FGF8: variants seen among roughly 807,000 people sequenced by gnomAD.
FGF8 encodes the protein fibroblast growth factor 8, also known as androgen-induced growth factor.
In FGF8, 12 loss-of-function variants were observed where a neutral mutation model predicts 29.7. The ratio of observed to expected loss-of-function variants is 0.40; its 90% CI spans 0.26 to 0.65. The LOEUF is 0.65. FGF8 is among the 30% of genes least tolerant of loss of function. The pLI, the probability that FGF8 is intolerant of heterozygous loss-of-function variation, is 0.37. For missense variants in FGF8, 271 were observed against 345.1 expected, an observed-to-expected ratio of 0.79 and a Z score of 1.70; for synonymous variants, 157 against 144.4, an observed-to-expected ratio of 1.09 and a Z score of -0.63.
chr10:101,775,832 G>T lies in FGF8; in HGVS notation c.32+37C>A. ...AGGCGCGGGTGAGGCGAGGGGCGCG[G>T]GGGGCGGGTGGCGGGGCAGGGCGGC... On this transcript the variant is annotated intron_variant, in intron 1 of 5. Coordinates refer to ENST00000320185, the MANE Select transcript of FGF8 (RefSeq NM_033163.5). This position sits in a 1 kb window ranked among gnomAD's most constrained non-coding sequence, Gnocchi z 4.6. 8 of 1,521,428 alleles carry T rather than the reference G, an allele frequency of 5.3e-6. No homozygotes were observed. In the South Asian group the frequency reaches 9.7e-5, roughly 18 times the overall value. The allele number at this position is 1,521,428 out of a possible 1,614,324, so 94.2% of individuals were successfully genotyped here.
At position 101,771,411 on chromosome 10, in the gene FGF8, C is replaced by T; in HGVS notation, c.444+52G>A. On this transcript the variant is annotated intron_variant, in intron 5 of 5. Coordinates refer to ENST00000320185, the MANE Select transcript of FGF8 (RefSeq NM_033163.5). This position sits in a 1 kb window ranked among gnomAD's most constrained non-coding sequence, Gnocchi z 5.3. The stretch of plus-strand genomic sequence containing the variant: ...GACTGTCTTGGAGGAGTCCAGCCAG[C>T]CCAAGCCACTCCCTAGGTCCCGCGG... 1 of 1,403,878 alleles carries T rather than the reference C, an allele frequency of 7.1e-7. No homozygotes were observed. The highest frequency in any genetic ancestry group is 2.3e-5 in the East Asian group (1 of 43,912). The allele number at this position is 1,403,878 out of a possible 1,614,324, so 87.0% of individuals were successfully genotyped here. A position where few individuals can be genotyped will look rare whatever the true frequency, so the allele number is the denominator to read the frequency against.
chr10:101,776,947 G>C (rs980120532), upstream of FGF8, among the ~76,000 whole-genome samples: 2 of 151,846 alleles, frequency 1.3e-5, no homozygotes, highest in Admixed American at 1.3e-4. Context: ...AGAGAGTCCG[G>C]AGGTCCCTGG....
upstream of FGF8, among the ~76,000 whole-genome samples, chr10:101,779,278 G>T (rs1167185894): frequency 1.3e-5 from 2 of 152,232 alleles, no homozygotes; most frequent in Admixed American, 6.5e-5. The surrounding 1 kb of genome is among the most constrained non-coding windows in gnomAD (Gnocchi z 5.7). Flanking sequence ...AAATCGCCGA[G>T]ACTACGTTAA....
rs1294205360 is a variant in FGF8, at chr10:101,775,837, C to T, written c.32+32G>A. 8 of 967,872 alleles carry T rather than the reference C, an allele frequency of 8.3e-6. No individual in the cohort carries two copies. Among genetic ancestry groups the T allele is most frequent in the Non-Finnish European group, 8.9e-6 (6 of 673,690 alleles). The allele number at this position is 967,872 out of a possible 1,614,324, so 60.0% of individuals were successfully genotyped here. On this transcript the variant is annotated intron_variant, in intron 1 of 5. Transcript: ENST00000320185. This position sits in a 1 kb window ranked among gnomAD's most constrained non-coding sequence, Gnocchi z 4.6. ...CGGGTGAGGCGAGGGGCGCGGGGGG[C>T]GGGTGGCGGGGCAGGGCGGCGCGGT...
At chr10:101,776,209 C>G (rs1322094196), upstream of FGF8, 1 of 56,368 alleles carries the variant, frequency 1.8e-5, no homozygotes, top group South Asian at 7.6e-4. Flanking sequence ...GGCGCCGCAC[C>G]GGGCGCGAGG....
chr10:101,774,934 A>G (rs369992360), intron 3 of FGF8, 22 bp from the exon 4 acceptor site: 14 of 1,612,234 alleles, frequency 8.7e-6, no homozygotes, highest in South Asian at 1.1e-5. Context: ...TGAAAAATAC[A>G]CAATACACCA....
Position 101,770,536 on chromosome 10 carries a change from C to T in FGF8, c.528G>A (p.Glu176=). ...TGCGGGTGAAGGCCATGTACCAGCC[C>T]TCGTACTTGGCATTCTGCAGCGCTG... The part of the protein sequence containing the change: ...NYTALQNAKY[E]GWYMAFTRKG... Residue 176 remains glutamate, a synonymous_variant, in exon 6 of 6, where the codon GAG becomes GAA. Transcript: ENST00000320185. 6.2e-7 allele frequency: 1 copy of T among 1,613,606 alleles called. No homozygotes were observed. Among genetic ancestry groups the T allele is most frequent in the South Asian group, 1.1e-5 (1 of 91,088 alleles).
chr10:101,779,476 G>A (rs958167147), upstream of FGF8, among the ~76,000 whole-genome samples: 1 of 152,220 alleles, frequency 6.6e-6, no homozygotes, highest in Non-Finnish European at 1.5e-5. The surrounding 1 kb of genome is among the most constrained non-coding windows in gnomAD (Gnocchi z 5.7). Context: ...CTGGGGCGAG[G>A]AGAGAGGAAT....
Position 101,770,372 on chromosome 10 carries a change from C to T in FGF8, c.692G>A (p.Ser231Asn). 6.2e-7 allele frequency: 1 copy of T among 1,601,962 alleles called. No individual in the cohort carries two copies. The highest frequency in any genetic ancestry group is 2.0e-4 in the Middle Eastern group (1 of 5,112). The change falls in exon 6 of 6, where the codon AGC becomes AAC. Residue 231 changes from serine to asparagine, a missense_variant. Physicochemically the swap from Ser to Asn is conservative, Grantham distance 46. Around this residue, in one of 3 missense-constraint regions of FGF8, gnomAD observed 62 missense variants for 58.1 expected, o/e 1.07. Coordinates refer to ENST00000320185, the MANE Select transcript of FGF8 (RefSeq NM_033163.5). ...EFLNYPPFTRSLRGSQRTWAP... is the reference protein window; with the variant it reads ...EFLNYPPFTRNLRGSQRTWAP... ...CCAAGTCCTCTGGCTGCCGCGCAGG[C>T]TGCGCGTGAAGGGCGGGTAGTTGAG... is the stretch of plus-strand genomic sequence containing the variant.
At position 101,775,273 on chromosome 10, in the gene FGF8, T is replaced by C; in HGVS notation, c.70-57A>G. ...GCAGCCCTCCCCGACCCCTGACATT[T>C]ATAAAGACAAATTTACGGAGCAAAT... On this transcript the variant is annotated intron_variant, in intron 2 of 5. Transcript: ENST00000320185. This position sits in a 1 kb window ranked among gnomAD's most constrained non-coding sequence, Gnocchi z 4.6. 1.2e-5 allele frequency: 15 copies of C among 1,224,870 alleles called. No homozygotes were observed. Among genetic ancestry groups the C allele is most frequent in the Non-Finnish European group, 1.7e-5 (15 of 857,918 alleles). 75.9% of individuals were successfully genotyped at this position (1,224,870 alleles called of 1,614,324 possible).
At position 101,770,334 on chromosome 10, in the gene FGF8, G is replaced by A. The variant is rs774950983; in HGVS notation, c.730C>T (p.Arg244Ter). 21 of 1,592,636 alleles carry A rather than the reference G, an allele frequency of 1.3e-5. No individual in the cohort carries two copies. The highest frequency in any genetic ancestry group is 4.5e-5 in the East Asian group (2 of 44,178). ...TGGGGAGGGCCAGGCAGCACCTATC[G>A]GGGCTCGGGGGCCCAAGTCCTCTGG... ...GSQRTWAPEP[R>*] The change falls in exon 6 of 6, where the codon CGA becomes TGA. Residue 244 changes from arginine to a stop codon, truncating the protein, a stop_gained. Transcript: ENST00000320185. LOFTEE classifies it high-confidence loss of function.
Position 101,775,138 on chromosome 10 carries a change from A to G in FGF8, c.148T>C (p.Ser50Pro). 1 of 1,548,590 alleles carries G rather than the reference A, an allele frequency of 6.5e-7. No individual in the cohort carries two copies. The change falls in exon 3 of 6, where the codon TCC becomes CCC. Residue 50 changes from serine (S) to proline (P), a missense_variant. By Grantham distance (74) the Ser-to-Pro change is moderately conservative. Transcript: ENST00000320185. The surrounding 1 kb of genome is among the most constrained non-coding windows in gnomAD (Gnocchi z 4.6). Reference sequence around the variant, plus strand: ...GGAGAAGCTGGACCCACCTGTTGGGAGACACCCTGGGGCTCCCGGCCAGCC... The same window carrying G: ...GGAGAAGCTGGACCCACCTGTTGGGGGACACCCTGGGGCTCCCGGCCAGCC... ...FRAGREPQGV[S>P]QQVTVQSSPN...
rs544494562 is a variant in FGF8 at position 101,775,194 on chromosome 10, G to T, written c.92C>A (p.Ala31Glu). 4.7e-5 allele frequency: 72 copies of T among 1,547,826 alleles called. No homozygotes were observed. Among genetic ancestry groups the T allele is most frequent in the Non-Finnish European group, 5.7e-5 (65 of 1,146,670 alleles). ...CAGGGAAGCGAGCTCCCTGCCCAGC[G>T]CAGGGCCCCTGCCCGGGCCTTCCTA... Reference protein sequence around the residue: ...QAQEGPGRGPALGRELASLFR... With the variant: ...QAQEGPGRGPELGRELASLFR... Residue 31 changes from alanine (A) to glutamate (E), a missense_variant, in exon 3 of 6, where the codon GCG becomes GAG. By Grantham distance (107) the Ala-to-Glu change is moderately radical. Around this residue, in one of 3 missense-constraint regions of FGF8, gnomAD observed 168 missense variants for 207.0 expected, o/e 0.81. Transcript: ENST00000320185. The surrounding 1 kb of genome is among the most constrained non-coding windows in gnomAD (Gnocchi z 4.6).
upstream of FGF8, chr10:101,776,197 G>T: frequency 8.8e-6 from 1 of 113,364 alleles, no homozygotes; most frequent in Admixed American, 8.2e-5. Context: ...GTGGGGGCGG[G>T]GGGCGCCGCA....
Position 101,775,366 on chromosome 10 carries a change from G to A in FGF8, c.70-150C>T, listed in dbSNP as rs914787395. 7 of 656,138 alleles carry A rather than the reference G, an allele frequency of 1.1e-5. No homozygotes were observed. The highest frequency in any genetic ancestry group is 5.4e-5 in the African/African-American group (3 of 55,754). 40.6% of individuals were successfully genotyped at this position (656,138 alleles called of 1,614,324 possible). A position where few individuals can be genotyped will look rare whatever the true frequency, so the allele number is the denominator to read the frequency against. Reference sequence around the variant, plus strand: ...ATCGGCCACAAGCCTCCCCCGAGGGGCGCTGAGAGGGTCTCTGCTGCAGTC... The same window carrying A: ...ATCGGCCACAAGCCTCCCCCGAGGGACGCTGAGAGGGTCTCTGCTGCAGTC... On this transcript the variant is annotated intron_variant, in intron 2 of 5. Coordinates refer to ENST00000320185, the MANE Select transcript of FGF8 (RefSeq NM_033163.5). The surrounding 1 kb of genome is among the most constrained non-coding windows in gnomAD (Gnocchi z 4.6).
chr10:101,774,199 C>T (rs761978058), intron 4 of FGF8, among the ~76,000 whole-genome samples: 13 of 152,324 alleles, frequency 8.5e-5, no homozygotes, highest in East Asian at 1.9e-4. Context: ...CACAGGGAGC[C>T]GGGAGCCCTG....
rs1409315413 is a variant in FGF8 at position 101,775,628 on chromosome 10, C to T, written c.69+112G>A. ...CTCGGGGCTGGGTTTCTAAGGTGCCCTCAGCCCTCCCGCGCCGGCCGCAGA... is the reference window on the plus strand; with the variant it reads ...CTCGGGGCTGGGTTTCTAAGGTGCCTTCAGCCCTCCCGCGCCGGCCGCAGA... On this transcript the variant is annotated intron_variant, in intron 2 of 5. Coordinates refer to ENST00000320185, the MANE Select transcript of FGF8 (RefSeq NM_033163.5). The surrounding 1 kb of genome is among the most constrained non-coding windows in gnomAD (Gnocchi z 4.6). The T allele has an allele frequency of 2.2e-5, 29 of 1,305,170 alleles. 1 individual carries two copies. The highest frequency in any genetic ancestry group is 4.2e-6 in the Non-Finnish European group (4 of 953,040). 80.8% of individuals were successfully genotyped at this position (1,305,170 alleles called of 1,614,324 possible).
rs760197565 is a variant in FGF8, at chr10:101,771,695, C to A, written c.338-126G>T. 15 of 756,734 alleles carry A rather than the reference C, an allele frequency of 2.0e-5. No individual in the cohort carries two copies. The highest frequency in any genetic ancestry group is 3.2e-5 in the Non-Finnish European group (14 of 430,828). 46.9% of individuals were successfully genotyped at this position (756,734 alleles called of 1,614,324 possible). On this transcript the variant is annotated intron_variant, in intron 4 of 5. Coordinates refer to ENST00000320185, the MANE Select transcript of FGF8 (RefSeq NM_033163.5). The surrounding 1 kb of genome is among the most constrained non-coding windows in gnomAD (Gnocchi z 5.3). ...CCCAAAACATGGACTCCAGCTCCAGCCCAGCTACTAACATGCTGTGCAACC... is the reference window on the plus strand; with the variant it reads ...CCCAAAACATGGACTCCAGCTCCAGACCAGCTACTAACATGCTGTGCAACC...
chr10:101,771,440 C>CCACCTGCCTGCTGGGGCCT lies in FGF8; in HGVS notation c.444+4_444+22dup, dbSNP rs2065024027. 9 of 1,592,898 alleles carry CCACCTGCCTGCTGGGGCCT rather than the reference C, an allele frequency of 5.7e-6. No individual in the cohort carries two copies. Among genetic ancestry groups the CCACCTGCCTGCTGGGGCCT allele is most frequent in the Non-Finnish European group, 7.8e-6 (9 of 1,160,770 alleles). ...AGCCACTCCCTAGGTCCCGCGGACC[C>CCACCTGCCTGCTGGGGCCT]CACCTGCCTGCTGGGGCCTCACCTT... On this transcript the variant is annotated intron_variant, in intron 5 of 5. Coordinates refer to ENST00000320185, the MANE Select transcript of FGF8 (RefSeq NM_033163.5). This position sits in a 1 kb window ranked among gnomAD's most constrained non-coding sequence, Gnocchi z 5.3.
Sources: gnomAD v4.1 joint callset for allele counts (sites outside exome capture counted in the v4.1 genomes callset) on GRCh38, gnomAD v4.1.1 for gene constraint, gnomAD v4.1.1 regional missense constraint, Gnocchi (gnomAD v3.1) non-coding constraint, MANE v1.5 for transcripts, NCBI Gene and HGNC (gene_info 2026-07-23, HGNC 2026-07-21) for gene names.